Variants in ANKS1B observed in about 807,000 individuals in gnomAD.
ANKS1B encodes ankyrin repeat and sterile alpha motif domain-containing protein 1B.
Under a neutral mutation model 148.3 loss-of-function variants are expected in ANKS1B, and 36 were observed. The ratio of observed to expected loss-of-function variants is 0.24; its 90% CI spans 0.19 to 0.32. The LOEUF (loss-of-function observed/expected upper bound fraction) is 0.32. ANKS1B is among the 10% of genes least tolerant of loss of function. The probability of loss-of-function intolerance (pLI) is 1.00; values close to 1 mark genes in which losing one functional copy is unlikely to be tolerated. For synonymous variants in ANKS1B, 542 were observed against 560.8 expected (o/e 0.97, Z 0.47); for missense variants, 1,157 against 1,542.6 (o/e 0.75, Z 4.19).
At chr12:98,878,903 A>G (rs982700500) in intron 17 of ANKS1B, among the ~76,000 whole-genome samples, 1 of 152,206 alleles carries the variant, frequency 6.6e-6, no homozygotes, top group Non-Finnish European at 1.5e-5. Context: ...TCGGAACAAA[A>G]GAAAAACTGT....
At chr12:99,889,569 T>A (rs147113266) in intron 1 of ANKS1B, among the ~76,000 whole-genome samples, 1 of 152,322 alleles carries the variant, frequency 6.6e-6, no homozygotes, top group Non-Finnish European at 1.5e-5. Flanking sequence ...GAAAGGTCTA[T>A]GAACATTTTA....
chr12:99,663,115 T>C (rs1200867872), intron 8 of ANKS1B, among the ~76,000 whole-genome samples: 3 of 152,162 alleles, frequency 2.0e-5, no homozygotes, highest in African/African-American at 7.2e-5. Context: ...ACCGGGGATC[T>C]AAGGGCTTAA....
chr12:99,197,684 T>C (rs1232788928), intron 14 of ANKS1B, among the ~76,000 whole-genome samples: 1 of 152,038 alleles, frequency 6.6e-6, no homozygotes, highest in Non-Finnish European at 1.5e-5. Context: ...GCTTTAAAAA[T>C]GGAGGAAGAG....
chr12:99,064,496 A>G (rs1463822812), intron 16 of ANKS1B, among the ~76,000 whole-genome samples: 1 of 152,214 alleles, frequency 6.6e-6, no homozygotes, highest in African/African-American at 2.4e-5. Flanking sequence ...GGACAAAGGC[A>G]CTGGGAAGAC....
Position 98,801,266 on chromosome 12 carries a change from G to T in ANKS1B, c.3142-141C>A. ...GTGTCTTATGTGAATATAAATACTTGGTTATTACATTTTTATATGTATTAG... is the reference window on the plus strand; with the variant it reads ...GTGTCTTATGTGAATATAAATACTTTGTTATTACATTTTTATATGTATTAG... On this transcript the variant is annotated intron_variant, in intron 20 of 26. Coordinates refer to ENST00000683438, the MANE Select transcript of ANKS1B (RefSeq NM_001352186.2). This position sits in a 1 kb window ranked among gnomAD's most constrained non-coding sequence, Gnocchi z 5.2. 2.8e-6 allele frequency: 2 copies of T among 714,024 alleles called. No individual in the cohort carries two copies. Among genetic ancestry groups the T allele is most frequent in the South Asian group, 3.0e-5 (1 of 33,798 alleles). 44.2% of individuals were successfully genotyped at this position (714,024 alleles called of 1,614,324 possible). A position where few individuals can be genotyped will look rare whatever the true frequency, so the allele number is the denominator to read the frequency against.
At chr12:98,741,089 AT>A (rs148112671), downstream of ANKS1B, among the ~76,000 whole-genome samples, 262 of 152,264 alleles carry the variant, frequency 1.7e-3, 7 homozygotes, top group East Asian at 0.046. Context: ...ATGAGGGAAA[AT>A]TCAACCCCTG....
chr12:99,735,807 C>CAAAAAAAAAAAAAAAAAAAAAAAAAAA (rs376398944), intron 8 of ANKS1B, among the ~76,000 whole-genome samples: 2 of 108,950 alleles, frequency 1.8e-5, no homozygotes, highest in African/African-American at 3.5e-5. Flanking sequence ...GGACATATAC[C>CAAAAAAAAAAAAAAAAAAAAAAAAAAA]AAAAAAAAAA....
intron 8 of ANKS1B, among the ~76,000 whole-genome samples, chr12:99,737,978 T>A (rs1238478422): frequency 6.6e-6 from 1 of 152,136 alleles, no homozygotes; most frequent in African/African-American, 2.4e-5. Flanking sequence ...TAATTACAGC[T>A]CATTTATTGA....
intron 16 of ANKS1B, among the ~76,000 whole-genome samples, chr12:99,065,122 AAAAAGACACGGGGTCTCT>A (rs2043685223): frequency 1.3e-5 from 2 of 152,164 alleles, no homozygotes; most frequent in Non-Finnish European, 2.9e-5. Flanking sequence ...TATATTTAGA[AAAAAGACACGGGGTCTCT>A]TTTTTTCTCT....
At chr12:99,845,962 G>GTT (rs1439690482) in intron 1 of ANKS1B, among the ~76,000 whole-genome samples, 5 of 152,020 alleles carry the variant, frequency 3.3e-5, no homozygotes, top group Non-Finnish European at 5.9e-5. Flanking sequence ...TGAATTAAAT[G>GTT]TTTTATTATT....
intron 4 of ANKS1B, among the ~76,000 whole-genome samples, chr12:99,789,778 C>A (rs557807264): frequency 6.6e-6 from 1 of 152,142 alleles, no homozygotes; most frequent in East Asian, 1.9e-4. Context: ...CATACCGCCC[C>A]AAACGCACCC....
intron 17 of ANKS1B, among the ~76,000 whole-genome samples, chr12:98,931,985 G>T (rs909287023): frequency 3.3e-5 from 5 of 152,070 alleles, no homozygotes; most frequent in African/African-American, 9.7e-5. Context: ...TGTTGCTCAG[G>T]GGTTGCCTGA....
chr12:99,795,330 A>C (rs2066120743), intron 4 of ANKS1B, among the ~76,000 whole-genome samples: 1 of 151,928 alleles, frequency 6.6e-6, no homozygotes, highest in Non-Finnish European at 1.5e-5. Flanking sequence ...TTCACAACAA[A>C]AATAAATAAT....
At chr12:99,390,933 G>A (rs1289577197) in intron 12 of ANKS1B, among the ~76,000 whole-genome samples, 1 of 152,202 alleles carries the variant, frequency 6.6e-6, no homozygotes, top group Non-Finnish European at 1.5e-5. Flanking sequence ...TTGCCAGTGC[G>A]AGGCGAGCTG....
At chr12:99,741,646 C>G (rs988441091) in intron 8 of ANKS1B, among the ~76,000 whole-genome samples, 1 of 151,982 alleles carries the variant, frequency 6.6e-6, no homozygotes, top group Admixed American at 6.6e-5. Flanking sequence ...AACACAGGAA[C>G]AGAAAACCAA....
intron 17 of ANKS1B, among the ~76,000 whole-genome samples, chr12:98,872,095 C>A (rs1386867238): frequency 6.6e-6 from 1 of 152,188 alleles, no homozygotes; most frequent in Non-Finnish European, 1.5e-5. Flanking sequence ...TCAAGTGACT[C>A]TGGAGTCCAG....
chr12:99,926,643 A>G (rs1248588649), intron 1 of ANKS1B, among the ~76,000 whole-genome samples: 1 of 152,202 alleles, frequency 6.6e-6, no homozygotes, highest in Non-Finnish European at 1.5e-5. Context: ...GTCAGCCTCC[A>G]TAATCACACA....
chr12:99,334,604 GA>G (rs967985086), intron 12 of ANKS1B, among the ~76,000 whole-genome samples: 1 of 151,998 alleles, frequency 6.6e-6, no homozygotes, highest in African/African-American at 2.4e-5. Flanking sequence ...ATGCACATTT[GA>G]AAAAGCATGC....
At chr12:98,979,544 T>G (rs561121768) in intron 17 of ANKS1B, among the ~76,000 whole-genome samples, 6 of 152,318 alleles carry the variant, frequency 3.9e-5, no homozygotes, top group Non-Finnish European at 7.3e-5. Flanking sequence ...GTGCTGGGAT[T>G]ACAGGCGTGA....
Sources: gnomAD v4.1 joint callset for allele counts (sites outside exome capture counted in the v4.1 genomes callset) on GRCh38, gnomAD v4.1.1 for gene constraint, Gnocchi (gnomAD v3.1) non-coding constraint, MANE v1.5 for transcripts, NCBI Gene and HGNC (gene_info 2026-07-23, HGNC 2026-07-21) for gene names.